Variants in NUDCD1 observed in about 807,000 individuals in gnomAD.
The protein encoded by NUDCD1 is NudC domain containing 1.
A neutral mutation model predicts 67.8 loss-of-function variants in NUDCD1; 60 were observed. The ratio of observed to expected loss-of-function variants is 0.88; its 90% CI spans 0.72 to 1.10. The LOEUF is 1.10. NUDCD1 is among the 50% of genes least tolerant of loss of function. NUDCD1 has a pLI of 0.00. For missense variants in NUDCD1, 643 were observed against 695.0 expected (o/e 0.93, Z 0.84); for synonymous variants, 244 against 230.8 (o/e 1.06, Z -0.52).
intron 6 of NUDCD1, 70 bp downstream of exon 6, chr8:109,280,898 C>T (rs959197248): frequency 2.9e-6 from 2 of 689,878 alleles, no homozygotes; most frequent in African/African-American, 3.6e-5. Flanking sequence ...CTGATGTAAC[C>T]ACTGTGGAAA....
intron 1 of NUDCD1, 78 bp downstream of exon 1, chr8:109,333,815 G>A: frequency 1.4e-6 from 2 of 1,475,972 alleles, no homozygotes; most frequent in Non-Finnish European, 1.9e-6. Context: ...CAGAAAGAAA[G>A]AAATTGCGGG....
chr8:109,241,461 T>C lies in NUDCD1; in HGVS notation c.*1548A>G, dbSNP rs1813363306. On this transcript the variant is annotated 3_prime_UTR_variant, in exon 10 of 10. Transcript: ENST00000239690. ...GTTTTACAACAATACTAAAAAGTTC[T>C]GGAAATATCACTGTTTTGGTTTTTG... The C allele has an allele frequency of 6.6e-6, 1 of 152,170 alleles. No individual in the cohort carries two copies. Among genetic ancestry groups the C allele is most frequent in the Non-Finnish European group, 1.5e-5 (1 of 68,014 alleles). 9.4% of individuals were successfully genotyped at this position (152,170 alleles called of 1,614,324 possible).
chr8:109,264,306 A>C (rs1048132575), intron 8 of NUDCD1, among the ~76,000 whole-genome samples: 2 of 152,236 alleles, frequency 1.3e-5, no homozygotes, highest in African/African-American at 4.8e-5. Context: ...TTGTTGCCAA[A>C]GATAAAATTT....
chr8:109,251,623 G>A (rs1407148731), intron 8 of NUDCD1, among the ~76,000 whole-genome samples: 18 of 152,094 alleles, frequency 1.2e-4, no homozygotes, highest in Admixed American at 1.2e-3. Flanking sequence ...CATCCTAAGT[G>A]CTATTCCTGA....
chr8:109,263,760 G>A (rs1480545400), intron 8 of NUDCD1, among the ~76,000 whole-genome samples: 1 of 152,032 alleles, frequency 6.6e-6, no homozygotes, highest in Non-Finnish European at 1.5e-5. Context: ...GGGTCCATAG[G>A]CTTAAAACTA....
intron 1 of NUDCD1, among the ~76,000 whole-genome samples, chr8:109,332,310 G>A (rs1815822934): frequency 6.6e-6 from 1 of 152,118 alleles, no homozygotes; most frequent in African/African-American, 2.4e-5. Context: ...TAGGGTGGAG[G>A]CCTAGAGATA....
chr8:109,258,003 T>C (rs1813777893), intron 8 of NUDCD1, among the ~76,000 whole-genome samples: 2 of 152,124 alleles, frequency 1.3e-5, no homozygotes. Context: ...GAAAAATAGA[T>C]GTTAATTTTG....
At chr8:109,276,683 G>C (rs1814297022) in intron 6 of NUDCD1, among the ~76,000 whole-genome samples, 1 of 152,060 alleles carries the variant, frequency 6.6e-6, no homozygotes, top group Non-Finnish European at 1.5e-5. Context: ...TTGAGACAGA[G>C]TCTCACTCTC....
intron 2 of NUDCD1, among the ~76,000 whole-genome samples, chr8:109,311,280 G>A (rs1367676145): frequency 2.6e-5 from 4 of 152,112 alleles, no homozygotes; most frequent in East Asian, 1.9e-4. Flanking sequence ...AGTAGATGTT[G>A]GCGTGGATGC....
intron 1 of NUDCD1, chr8:109,329,907 C>A: frequency 6.5e-7 from 1 of 1,536,860 alleles, no homozygotes; most frequent in Admixed American, 2.0e-5. Flanking sequence ...CTGGATGCTA[C>A]GAAGTATGAT....
chr8:109,293,282 TG>T, intron 4 of NUDCD1, 61 bp downstream of exon 4: 3 of 862,634 alleles, frequency 3.5e-6, no homozygotes, highest in Non-Finnish European at 5.3e-6. Context: ...GGGACAGCTT[TG>T]TGTTTCAAAA....
In NUDCD1 at chr8:109,333,224, G is replaced by A. The variant is rs1396806493; in HGVS notation, c.118+669C>T. ...AACATGCATCAGAATCAGCAGGGGTGTGAATTTTAAAATGCAGATCTCTGG... is the reference window on the plus strand; with the variant it reads ...AACATGCATCAGAATCAGCAGGGGTATGAATTTTAAAATGCAGATCTCTGG... On this transcript the variant is annotated intron_variant, in intron 1 of 9. Transcript: ENST00000239690. Among the ~76,000 whole-genome samples, 8 of 152,198 alleles carry A rather than the reference G, an allele frequency of 5.3e-5. No individual in the cohort carries two copies. The South Asian group carries it at 1.0e-3, about 20-fold the overall frequency.
intron 6 of NUDCD1, among the ~76,000 whole-genome samples, chr8:109,276,973 G>C (rs1031874702): frequency 3.9e-5 from 6 of 152,022 alleles, no homozygotes; most frequent in African/African-American, 1.2e-4. Context: ...CCCAGACTGA[G>C]TTACATTTTC....
At chr8:109,309,264 G>C (rs1335319620) in intron 2 of NUDCD1, among the ~76,000 whole-genome samples, 1 of 152,144 alleles carries the variant, frequency 6.6e-6, no homozygotes. Flanking sequence ...AATCCACCAT[G>C]ATCAAGTGGG....
At chr8:109,318,072 T>A (rs1563683684) in intron 2 of NUDCD1, among the ~76,000 whole-genome samples, 2 of 152,230 alleles carry the variant, frequency 1.3e-5, no homozygotes, top group Admixed American at 6.5e-5. Flanking sequence ...TACATTAGTG[T>A]CCTACACAGA....
At chr8:109,280,411 T>C (rs1171262250) in intron 6 of NUDCD1, among the ~76,000 whole-genome samples, 3 of 152,084 alleles carry the variant, frequency 2.0e-5, no homozygotes, top group Admixed American at 6.5e-5. Flanking sequence ...GCATCCCAAA[T>C]GTTGGGATTA....
chr8:109,329,117 G>A (rs757506712), intron 1 of NUDCD1, among the ~76,000 whole-genome samples: 2 of 150,718 alleles, frequency 1.3e-5, no homozygotes, highest in African/African-American at 2.4e-5. Flanking sequence ...GGATTAACAA[G>A]AGACTAATAT....
At chr8:109,294,538 C>T (rs1814794201) in intron 3 of NUDCD1, among the ~76,000 whole-genome samples, 1 of 152,036 alleles carries the variant, frequency 6.6e-6, no homozygotes, top group East Asian at 1.9e-4. Flanking sequence ...AACGGAAGAA[C>T]AGAAAATGAC....
Position 109,289,774 on chromosome 8 carries a change from T to C in NUDCD1, c.800A>G (p.Glu267Gly). 1 of 1,525,408 alleles carries C rather than the reference T, an allele frequency of 6.6e-7. No homozygotes were observed. Among genetic ancestry groups the C allele is most frequent in the Non-Finnish European group, 9.0e-7 (1 of 1,109,720 alleles). 94.5% of individuals were successfully genotyped at this position (1,525,408 alleles called of 1,614,324 possible). Reference sequence around the variant, plus strand: ...ACCTTTGATTTTCTCTGATATGTCTTCATCCATATTTTCTTCAAGATCTTG... The same window carrying C: ...ACCTTTGATTTTCTCTGATATGTCTCCATCCATATTTTCTTCAAGATCTTG... ...AGQDLEENMD[E>G]DISEKIKEPL... The change falls in exon 5 of 10, where the codon GAA (glutamate) becomes GGA (glycine). Residue 267 changes from glutamate to glycine, a missense_variant. Coordinates refer to ENST00000239690, the MANE Select transcript of NUDCD1 (RefSeq NM_032869.4).
Sources: allele counts gnomAD v4.1 joint callset (sites outside exome capture counted in the v4.1 genomes callset), GRCh38; gene constraint gnomAD v4.1.1; transcripts MANE v1.5; gene names NCBI Gene and HGNC (gene_info 2026-07-23, HGNC 2026-07-21).